Variants in ANO4 observed in about 807,000 individuals in gnomAD.
The protein encoded by ANO4 is anoctamin-4.
In ANO4, 69 loss-of-function variants were observed where a neutral mutation model predicts 141.9. The observed-to-expected ratio is 0.49, with a 90% CI of 0.40 to 0.59. The LOEUF (loss-of-function observed/expected upper bound fraction) is 0.59, where lower values mean the gene tolerates loss of function less well. Ranked by LOEUF, ANO4 falls within the 20% of genes least tolerant of loss-of-function variation. The pLI is 0.00. For missense variants in ANO4, 894 were observed against 1,162.2 expected (o/e 0.77, Z 3.36); for synonymous variants, 350 against 394.3 (o/e 0.89, Z 1.33).
intron 1 of ANO4, among the ~76,000 whole-genome samples, chr12:100,883,009 G>T (rs1291446072): frequency 1.3e-5 from 2 of 152,108 alleles, no homozygotes; most frequent in Non-Finnish European, 2.9e-5. Context: ...CTGGAGCTCT[G>T]TTTATGCTCT....
intron 3 of ANO4, among the ~76,000 whole-genome samples, chr12:100,771,810 G>A (rs1025444491): frequency 1.3e-5 from 2 of 152,222 alleles, no homozygotes; most frequent in African/African-American, 4.8e-5. Flanking sequence ...TAGGAATGCG[G>A]GTATACGTGA....
chr12:101,048,193 A>G (rs535825839), intron 13 of ANO4, 148 bp from the exon 14 acceptor site: 1 of 1,032,116 alleles, frequency 9.7e-7, no homozygotes, highest in East Asian at 2.6e-5. Context: ...TTTCTTATTT[A>G]TGGTTCAAAA....
At chr12:100,912,067 G>A (rs1253974715) in intron 2 of ANO4, among the ~76,000 whole-genome samples, 1 of 152,038 alleles carries the variant, frequency 6.6e-6, no homozygotes, top group East Asian at 1.9e-4. Context: ...TACAAAATTA[G>A]CAATTGACAG....
intron 2 of ANO4, among the ~76,000 whole-genome samples, chr12:100,905,858 A>T (rs751753448): frequency 1.1e-4 from 16 of 152,168 alleles, no homozygotes; most frequent in Non-Finnish European, 1.8e-4. Flanking sequence ...TTTATCTGTG[A>T]TAACTGGTGG....
At chr12:100,768,270 A>G (rs1436441064) in intron 3 of ANO4, among the ~76,000 whole-genome samples, 1 of 152,222 alleles carries the variant, frequency 6.6e-6, no homozygotes, top group African/African-American at 2.4e-5. Flanking sequence ...TTCAGAGGGT[A>G]TCTCCACACT....
intron 7 of ANO4, among the ~76,000 whole-genome samples, chr12:100,978,496 A>G (rs761002368): frequency 1.3e-5 from 2 of 152,234 alleles, no homozygotes; most frequent in Non-Finnish European, 2.9e-5. Context: ...CAGCCAGTCT[A>G]TGTTTGAACA....
intron 17 of ANO4, among the ~76,000 whole-genome samples, chr12:101,089,997 A>G (rs957861942): frequency 2.0e-5 from 3 of 152,248 alleles, no homozygotes; most frequent in Non-Finnish European, 4.4e-5. Flanking sequence ...ACATGAAAAA[A>G]TGCTCACCAT....
At chr12:100,867,199 G>T (rs543451435) in intron 1 of ANO4, among the ~76,000 whole-genome samples, 22 of 152,196 alleles carry the variant, frequency 1.4e-4, no homozygotes, top group Non-Finnish European at 2.9e-4. Context: ...ATATCACTTG[G>T]TTCAGTTTAT....
rs60652065 is a variant in ANO4 at position 100,959,117 on chromosome 12, G to GAC, written c.457-12177_457-12176dup. Among the ~76,000 whole-genome samples the GAC allele has an allele frequency of 1.6e-4, 25 of 151,598 alleles. No individual in the cohort carries two copies. In the East Asian group the frequency reaches 2.0e-3, roughly 12 times the overall value. On this transcript the variant is annotated intron_variant, in intron 5 of 27. Coordinates refer to ENST00000392977, the MANE Select transcript of ANO4 (RefSeq NM_001286615.2). ...TCATCCCTCTCAACCCCCCTCCACA[G>GAC]ACACACACACACAGTTCTGCTGATA...
intron 5 of ANO4, among the ~76,000 whole-genome samples, chr12:100,964,667 C>T (rs938644233): frequency 3.9e-5 from 6 of 152,232 alleles, no homozygotes; most frequent in Non-Finnish European, 5.9e-5. Flanking sequence ...TAAATTGAAA[C>T]GTCAAGCATA....
At chr12:100,835,554 A>T (rs2036867642) in intron 1 of ANO4, among the ~76,000 whole-genome samples, 1 of 152,150 alleles carries the variant, frequency 6.6e-6, no homozygotes, top group Non-Finnish European at 1.5e-5. Flanking sequence ...GGTAAGCATA[A>T]TGTCTATATT....
intron 1 of ANO4, among the ~76,000 whole-genome samples, chr12:100,728,700 C>T (rs1234328679): frequency 6.6e-6 from 1 of 152,166 alleles, no homozygotes; most frequent in African/African-American, 2.4e-5. Flanking sequence ...AGAGTGAGTG[C>T]TCAGTAACTG....
intron 13 of ANO4, among the ~76,000 whole-genome samples, chr12:101,043,837 C>A (rs1483477063): frequency 6.6e-6 from 1 of 152,168 alleles, no homozygotes; most frequent in Non-Finnish European, 1.5e-5. Flanking sequence ...CTCTAGACAT[C>A]ATCCATGGAG....
At chr12:100,972,677 T>C (rs1200706969) in intron 6 of ANO4, among the ~76,000 whole-genome samples, 1 of 152,186 alleles carries the variant, frequency 6.6e-6, no homozygotes, top group East Asian at 1.9e-4. Flanking sequence ...TATGTATCAA[T>C]GATATAATAA....
chr12:101,021,723 T>C lies in ANO4; in HGVS notation c.841+1583T>C, dbSNP rs192578667. Among the ~76,000 whole-genome samples, 329 of 152,338 alleles carry C rather than the reference T, an allele frequency of 2.2e-3. 1 individual carries two copies. The highest frequency in any genetic ancestry group is 2.2e-3 in the Non-Finnish European group (147 of 68,032). ...TGTATTTTCTTTTCCTTTCAGTCTT[T>C]TAAAAAATATTTACTAATTCAGTGA... On this transcript the variant is annotated intron_variant, in intron 9 of 27. Transcript: ENST00000392977.
chr12:100,999,038 G>A (rs1329607854), intron 8 of ANO4, among the ~76,000 whole-genome samples: 3 of 152,140 alleles, frequency 2.0e-5, no homozygotes, highest in African/African-American at 7.2e-5. Context: ...GGTAGGGCCT[G>A]GATTTCAAGG....
intron 7 of ANO4, among the ~76,000 whole-genome samples, chr12:100,981,457 AG>A (rs2044457609): frequency 6.6e-6 from 1 of 151,756 alleles, no homozygotes. Flanking sequence ...GAAGGAAGGA[AG>A]GAAGAAAGGA....
intron 18 of ANO4, among the ~76,000 whole-genome samples, 174 bp from the exon 19 acceptor site, chr12:101,096,362 G>C (rs2049981733): frequency 6.6e-6 from 1 of 152,124 alleles, no homozygotes; most frequent in Non-Finnish European, 1.5e-5. Context: ...CTGTGAGCTT[G>C]AGGATCCTAT....
intron 1 of ANO4, among the ~76,000 whole-genome samples, chr12:100,726,587 G>A (rs2031129935): frequency 6.6e-6 from 1 of 152,194 alleles, no homozygotes; most frequent in African/African-American, 2.4e-5. Context: ...TACTGATTTA[G>A]TAGCTTCGGG....
Sources: allele counts gnomAD v4.1 joint callset (sites outside exome capture counted in the v4.1 genomes callset), GRCh38; gene constraint gnomAD v4.1.1; transcripts MANE v1.5; gene names NCBI Gene and HGNC (gene_info 2026-07-23, HGNC 2026-07-21).